The following ZDHHC24 variants were observed in gnomAD, a reference collection of about 807,000 sequenced individuals.
The protein encoded by ZDHHC24 is probable palmitoyltransferase ZDHHC24.
ZDHHC24 carries 17 observed loss-of-function variants against 23.2 expected under a neutral mutation model. The ratio of observed to expected loss-of-function variants is 0.73; its 90% confidence interval spans 0.50 to 1.10. The LOEUF is 1.10. ZDHHC24 is among the 50% of genes least tolerant of loss of function. The pLI is 0.00. For synonymous variants in ZDHHC24, 186 were observed against 194.5 expected (o/e 0.96, Z 0.36); for missense variants, 366 against 393.0 (o/e 0.93, Z 0.58).
At chr11:66,534,475 ACT>A (rs1309963589), downstream of ZDHHC24, among the ~76,000 whole-genome samples, 1 of 143,634 alleles carries the variant, frequency 7.0e-6, no homozygotes, top group African/African-American at 2.6e-5. Context: ...AAAAAGCGAA[ACT>A]CTGTCTCAAA....
chr11:66,527,444 GC>G (rs1856566009), intron 3 of ZDHHC24: 1 of 253,332 alleles, frequency 3.9e-6, no homozygotes, highest in Non-Finnish European at 7.8e-6. Flanking sequence ...GCGGAGATGG[GC>G]AGATCATGAG....
rs750806461 is a variant in ZDHHC24 at position 66,543,824 on chromosome 11, C to T, written c.439G>A (p.Ala147Thr). Reference sequence around the variant, plus strand: ...ACAGAGACGTGGAGCAGGACGCCGGCGGCATGAAGCAGCAGGCACAGGAAG... The same window carrying T: ...ACAGAGACGTGGAGCAGGACGCCGGTGGCATGAAGCAGCAGGCACAGGAAG... ...RPFLCLLLHA[A>T]GVLLHVSVLL... The change falls in exon 2 of 3, where the codon GCC becomes ACC. Residue 147 changes from alanine (A) to threonine (T), a missense_variant. Coordinates refer to ENST00000310442, the MANE Select transcript of ZDHHC24 (RefSeq NM_207340.3). 154 of 1,613,516 alleles carry T rather than the reference C, an allele frequency of 9.5e-5. No homozygotes were observed. The highest frequency in any genetic ancestry group is 1.6e-4 in the Middle Eastern group (1 of 6,062).
rs570702471 is a variant in ZDHHC24 at position 66,529,698 on chromosome 11, C to A, written c.560-210G>T. The A allele has an allele frequency of 6.7e-5, 86 of 1,274,822 alleles. No homozygotes were observed. The African/African-American group carries it at 8.2e-4, about 12-fold the overall frequency. 79.0% of individuals were successfully genotyped at this position (1,274,822 alleles called of 1,614,324 possible). A position where few individuals can be genotyped will look rare whatever the true frequency, so the allele number is the denominator to read the frequency against. ...CCCTCCTCCCCAGCTCCTGCAGACTCCTCCTGCAGCACCCTCCTCTTGCAC... is the reference window on the plus strand; with the variant it reads ...CCCTCCTCCCCAGCTCCTGCAGACTACTCCTGCAGCACCCTCCTCTTGCAC... On this transcript the variant is annotated intron_variant, in intron 2 of 4. Coordinates refer to the ZDHHC24 transcript ENST00000526986.
chr11:66,534,417 G>T (rs946433698), downstream of ZDHHC24, among the ~76,000 whole-genome samples: 1 of 125,604 alleles, frequency 8.0e-6, no homozygotes, highest in Admixed American at 9.5e-5. Context: ...CACCACTCTA[G>T]CCTGGGCAAG....
At chr11:66,541,105 A>C (rs917178382) in intron 2 of ZDHHC24, among the ~76,000 whole-genome samples, 1 of 152,128 alleles carries the variant, frequency 6.6e-6, no homozygotes, top group African/African-American at 2.4e-5. Context: ...TGTACACTTT[A>C]AAATAGTTAA....
At chr11:66,524,848 A>G (rs1856413087) in intron 4 of ZDHHC24, among the ~76,000 whole-genome samples, 2 of 151,552 alleles carry the variant, frequency 1.3e-5, no homozygotes, top group South Asian at 4.2e-4. Flanking sequence ...AGGCGATCAC[A>G]GTTCTGGAAC....
At chr11:66,532,777 G>A (rs534265575), downstream of ZDHHC24, 1 of 152,630 alleles carries the variant, frequency 6.6e-6, no homozygotes, top group Non-Finnish European at 1.5e-5. Context: ...TCCTGACAGG[G>A]ATGCTCATGC....
chr11:66,540,921 T>C (rs1260377687), intron 2 of ZDHHC24, among the ~76,000 whole-genome samples: 1 of 152,056 alleles, frequency 6.6e-6, no homozygotes, highest in Non-Finnish European at 1.5e-5. Context: ...ACATCCTGAA[T>C]AGGCAAGTCC....
intron 4 of ZDHHC24, chr11:66,526,854 C>T: frequency 6.2e-7 from 1 of 1,614,094 alleles, no homozygotes. Flanking sequence ...TCCACTGCTC[C>T]TACACAGCAA....
At chr11:66,522,587 C>G (rs1021929241) in intron 4 of ZDHHC24, among the ~76,000 whole-genome samples, 42 of 152,084 alleles carry the variant, frequency 2.8e-4, no homozygotes, top group African/African-American at 1.0e-3. Context: ...ACCTTGTGAT[C>G]CACCCTTCTC....
chr11:66,529,376 A>G (rs1412705853), exon 3 of ZDHHC24: 2 of 1,457,190 alleles, frequency 1.4e-6, no homozygotes, highest in African/African-American at 2.8e-5. Flanking sequence ...GGAGATGAGC[A>G]GGAGGCAGGC....
Position 66,535,688 on chromosome 11 carries a change from G to T in ZDHHC24, c.*3841C>A, listed in dbSNP as rs1217601596. On this transcript the variant is annotated 3_prime_UTR_variant, in exon 3 of 3. Transcript: ENST00000310442. ...GAGTGCAGAAATAAACCCTGCTCAT[G>T]AATGGGAAAATTCAATTTTACACAG... Among the ~76,000 whole-genome samples the T allele has an allele frequency of 1.3e-5, 2 of 152,166 alleles. No individual in the cohort carries two copies. Among genetic ancestry groups the T allele is most frequent in the Non-Finnish European group, 2.9e-5 (2 of 68,030 alleles).
At chr11:66,527,409 G>A (rs1023505983) in intron 3 of ZDHHC24, among the ~76,000 whole-genome samples, 5 of 152,180 alleles carry the variant, frequency 3.3e-5, no homozygotes, top group Middle Eastern at 3.4e-3. Flanking sequence ...AGTGGCTCAC[G>A]CCTGTAATCC....
downstream of ZDHHC24, chr11:66,532,401 ATCACTCATC>A (rs1856825279): frequency 1.2e-5 from 3 of 245,660 alleles, no homozygotes; most frequent in Non-Finnish European, 8.0e-6. Flanking sequence ...CCTCATGCAC[ATCACTCATC>A]TCCTGCTGCA....
chr11:66,523,280 T>A, intron 4 of ZDHHC24: 3 of 844,380 alleles, frequency 3.6e-6, no homozygotes, highest in Non-Finnish European at 4.0e-6. Context: ...ACACACTTGA[T>A]GTTTTCCAAG....
chr11:66,529,206 C>G, intron 3 of ZDHHC24: 3 of 1,477,676 alleles, frequency 2.0e-6, no homozygotes, highest in African/African-American at 1.4e-5. Context: ...GCGGGGTGGG[C>G]CCTGGAGGTG....
At chr11:66,531,701 G>A (rs1440535691), downstream of ZDHHC24, 14 of 1,614,132 alleles carry the variant, frequency 8.7e-6, no homozygotes, top group South Asian at 2.2e-5. Context: ...GGAGACCTTT[G>A]TGGAGAGTCT....
chr11:66,535,357 C>A (rs1565293265), downstream of ZDHHC24, among the ~76,000 whole-genome samples: 1 of 150,774 alleles, frequency 6.6e-6, no homozygotes, highest in Non-Finnish European at 1.5e-5. Context: ...ACTACAGACG[C>A]ACTACCACAC....
downstream of ZDHHC24, chr11:66,530,929 T>C (rs747407711): frequency 8.7e-6 from 14 of 1,614,138 alleles, no homozygotes; most frequent in Non-Finnish European, 1.2e-5. Context: ...AGCTCACACT[T>C]CACCTGCAGA....
Sources: gnomAD v4.1 joint callset for allele counts (sites outside exome capture counted in the v4.1 genomes callset) on GRCh38, gnomAD v4.1.1 for gene constraint, MANE v1.5 for transcripts, NCBI Gene and HGNC (gene_info 2026-07-23, HGNC 2026-07-21) for gene names.